MSH3: variants seen among roughly 807,000 people sequenced by gnomAD.
The protein encoded by MSH3 is DNA mismatch repair protein Msh3.
MSH3 carries 106 observed loss-of-function variants against 123.3 expected under a neutral mutation model. That is an observed-to-expected ratio of 0.86 (90% confidence interval 0.73 to 1.01). The LOEUF (loss-of-function observed/expected upper bound fraction) is 1.01, where lower values mean the gene tolerates loss of function less well. Among genes scored for constraint, MSH3 ranks in the 50% least tolerant of loss-of-function variants. The probability of loss-of-function intolerance (pLI) is 0.00; values close to 1 mark genes in which losing one functional copy is unlikely to be tolerated. For synonymous variants in MSH3, 515 were observed against 481.4 expected (o/e 1.07, Z -0.91); for missense variants, 1,459 against 1,347.6 (o/e 1.08, Z -1.29).
chr5:80,762,094 GTAGT>G (rs919203467), intron 13 of MSH3, among the ~76,000 whole-genome samples: 18 of 151,990 alleles, frequency 1.2e-4, no homozygotes, highest in African/African-American at 2.9e-4. Flanking sequence ...ATCTGTGGTG[GTAGT>G]TAGTATGCAA....
intron 23 of MSH3, among the ~76,000 whole-genome samples, chr5:80,874,607 G>GA (rs1295011986): frequency 6.6e-6 from 1 of 151,694 alleles, no homozygotes; most frequent in Non-Finnish European, 1.5e-5. Flanking sequence ...CTTTTTCTCT[G>GA]AAAAAAACCT....
At chr5:80,778,547 A>G (rs866038993) in intron 16 of MSH3, among the ~76,000 whole-genome samples, 173 bp from the exon 17 acceptor site, 1 of 152,238 alleles carries the variant, frequency 6.6e-6, no homozygotes, top group Non-Finnish European at 1.5e-5. Flanking sequence ...GCAAAGTCAT[A>G]TTCTTTGGAA....
intron 17 of MSH3, among the ~76,000 whole-genome samples, chr5:80,780,588 C>G (rs1333843691): frequency 6.6e-6 from 1 of 152,108 alleles, no homozygotes; most frequent in Non-Finnish European, 1.5e-5. Context: ...ATAAACAGGC[C>G]AGGCGCAGTG....
At chr5:80,677,678 T>G (rs1376216121) in intron 7 of MSH3, among the ~76,000 whole-genome samples, 1 of 152,230 alleles carries the variant, frequency 6.6e-6, no homozygotes, top group Non-Finnish European at 1.5e-5. Context: ...TTGAAGATGA[T>G]AATTTCCTTG....
intron 18 of MSH3, among the ~76,000 whole-genome samples, chr5:80,789,259 G>A (rs1045067730): frequency 6.6e-6 from 1 of 151,180 alleles, no homozygotes; most frequent in African/African-American, 2.4e-5. Context: ...AAAAAATCTT[G>A]TCTTCAGAAT....
chr5:80,675,260 T>C, intron 7 of MSH3, 132 bp downstream of exon 7: 1 of 1,058,434 alleles, frequency 9.4e-7, no homozygotes, highest in Non-Finnish European at 1.4e-6. Flanking sequence ...AAAAACATTT[T>C]TCTCACAATA....
chr5:80,870,719 G>C (rs1477666557), intron 22 of MSH3, among the ~76,000 whole-genome samples: 2 of 152,170 alleles, frequency 1.3e-5, no homozygotes, highest in African/African-American at 4.8e-5. Flanking sequence ...AATTCTTAGA[G>C]GAGGGCCAGG....
intron 10 of MSH3, among the ~76,000 whole-genome samples, chr5:80,730,658 G>C (rs1445360187): frequency 6.6e-6 from 1 of 152,040 alleles, no homozygotes; most frequent in African/African-American, 2.4e-5. Context: ...TGTAAAAAAA[G>C]GGGTGACAAG....
chr5:80,796,316 A>T (rs928226258), intron 19 of MSH3, among the ~76,000 whole-genome samples: 1 of 152,100 alleles, frequency 6.6e-6, no homozygotes, highest in Non-Finnish European at 1.5e-5. Flanking sequence ...TTTTAAAGAA[A>T]CATTGAACTC....
At position 80,672,697 on chromosome 5, in the gene MSH3, C is replaced by A; in HGVS notation, c.910-44C>A. The stretch of plus-strand genomic sequence containing the variant: ...CATTTCGAAATGAGTTTTTACAAGT[C>A]ATTTTTTATCCTTTGATAGCAATAT... On this transcript the variant is annotated intron_variant, in intron 5 of 23. Coordinates refer to ENST00000265081, the MANE Select transcript of MSH3 (RefSeq NM_002439.5). The A allele has an allele frequency of 2.7e-6, 4 of 1,473,396 alleles. No individual in the cohort carries two copies. The South Asian group carries it at 3.4e-5, about 13-fold the overall frequency. The allele number at this position is 1,473,396 out of a possible 1,614,324, so 91.3% of individuals were successfully genotyped here.
Position 80,670,220 on chromosome 5 carries a change from C to G in MSH3, c.703C>G (p.Gln235Glu), listed in dbSNP as rs371356175. The G allele has an allele frequency of 1.2e-6, 2 of 1,614,078 alleles. No homozygotes were observed. Among genetic ancestry groups the G allele is most frequent in the East Asian group, 4.5e-5 (2 of 44,864 alleles). Residue 235 changes from glutamine to glutamate, a missense_variant, in exon 4 of 24, where the codon CAA (glutamine) becomes GAA (glutamate). By Grantham distance (29) the Gln-to-Glu change is conservative. Transcript: ENST00000265081. Reference protein sequence around the residue: ...SKSIYTPLELQYIEMKQQHKD... With the variant: ...SKSIYTPLELEYIEMKQQHKD... The stretch of plus-strand genomic sequence containing the variant: ...AAGCATCTATACGCCGCTAGAATTA[C>G]AATACATAGAAATGAAGCAGCAGCA...
At chr5:80,803,056 A>G (rs1005560889) in intron 19 of MSH3, among the ~76,000 whole-genome samples, 6 of 142,064 alleles carry the variant, frequency 4.2e-5, no homozygotes, top group Admixed American at 1.5e-4. Flanking sequence ...TGTCTCTTCA[A>G]TATACTGATT....
chr5:80,830,940 T>C (rs1745405462), intron 20 of MSH3, among the ~76,000 whole-genome samples: 1 of 152,190 alleles, frequency 6.6e-6, no homozygotes, highest in Non-Finnish European at 1.5e-5. Context: ...TTAAATACTG[T>C]AGTGTGATCT....
intron 13 of MSH3, among the ~76,000 whole-genome samples, chr5:80,763,385 G>A (rs1003383408): frequency 3.9e-5 from 6 of 152,176 alleles, no homozygotes; most frequent in African/African-American, 1.4e-4. Flanking sequence ...TTATGGGGCC[G>A]GGGAGCCTAT....
chr5:80,739,782 T>G (rs1743579120), intron 10 of MSH3, among the ~76,000 whole-genome samples: 1 of 152,226 alleles, frequency 6.6e-6, no homozygotes, highest in Admixed American at 6.5e-5. Flanking sequence ...TGAGGTAAAG[T>G]ATTTCTCTTT....
chr5:80,734,101 T>C (rs1388914240), intron 10 of MSH3, among the ~76,000 whole-genome samples: 3 of 152,172 alleles, frequency 2.0e-5, no homozygotes, highest in African/African-American at 7.2e-5. Context: ...ATGCATACAA[T>C]AGAAGATTTT....
chr5:80,841,393 G>C (rs1279639653), intron 20 of MSH3, among the ~76,000 whole-genome samples: 3 of 152,212 alleles, frequency 2.0e-5, no homozygotes, highest in Non-Finnish European at 2.9e-5. Flanking sequence ...ATAGCAGCAT[G>C]ATTTATAATC....
At chr5:80,676,904 ATG>A (rs1304163696) in intron 7 of MSH3, among the ~76,000 whole-genome samples, 1 of 152,190 alleles carries the variant, frequency 6.6e-6, no homozygotes, top group Non-Finnish European at 1.5e-5. Context: ...AGAGTTAACC[ATG>A]TGTGCGAACT....
intron 21 of MSH3, among the ~76,000 whole-genome samples, chr5:80,855,267 C>G (rs1745896678): frequency 6.6e-6 from 1 of 152,044 alleles, no homozygotes; most frequent in Non-Finnish European, 1.5e-5. Flanking sequence ...CATTTTCTTG[C>G]TCCTTTGTCA....
Sources: gnomAD v4.1 joint callset for allele counts (sites outside exome capture counted in the v4.1 genomes callset) on GRCh38, gnomAD v4.1.1 for gene constraint, MANE v1.5 for transcripts, NCBI Gene and HGNC (gene_info 2026-07-23, HGNC 2026-07-21) for gene names.